CRABP2: variants seen among roughly 807,000 people sequenced by gnomAD.
CRABP2 encodes the protein cellular retinoic acid binding protein 2.
CRABP2 carries 20 observed loss-of-function variants against 17.9 expected under a neutral mutation model. The observed-to-expected ratio is 1.12, with a 90% CI of 0.79 to 1.63. CRABP2 has a LOEUF of 1.63. Among genes scored for constraint, CRABP2 ranks in the 40% most tolerant of loss-of-function variants. CRABP2 has a pLI of 0.00. For missense variants in CRABP2, 151 were observed against 168.6 expected (o/e 0.90, Z 0.58); for synonymous variants, 76 against 66.4 (o/e 1.14, Z -0.70).
chr1:156,703,848 C>T (rs1413125928), intron 1 of CRABP2, among the ~76,000 whole-genome samples: 1 of 152,210 alleles, frequency 6.6e-6, no homozygotes, highest in Non-Finnish European at 1.5e-5. Flanking sequence ...ATCCTTTCAG[C>T]GAGCCCCTGG....
At chr1:156,700,173 G>T in intron 3 of CRABP2, 97 bp from the exon 4 acceptor site, 1 of 1,242,922 alleles carries the variant, frequency 8.0e-7, no homozygotes. Context: ...TGGCCTCCAG[G>T]TCCAAACCTG....
At position 156,704,889 on chromosome 1, in the gene CRABP2, T is replaced by A. The variant is rs539160539; in HGVS notation, c.70+488A>T. 1.1e-3 allele frequency among the ~76,000 whole-genome samples: 148 copies of A among 139,542 alleles called. 2 individuals carry two copies. Among genetic ancestry groups the A allele is most frequent in the African/African-American group, 3.9e-3 (144 of 36,564 alleles). The allele number at this position is 139,542 out of a possible 152,430, so 91.5% of individuals were successfully genotyped here. A position where few individuals can be genotyped will look rare whatever the true frequency, so the allele number is the denominator to read the frequency against. On this transcript the variant is annotated intron_variant, in intron 1 of 3. Coordinates refer to ENST00000368222, the MANE Select transcript of CRABP2 (RefSeq NM_001878.4). ...CAGCAGATCACCTCGCAGGCAGAGC[T>A]GGGCGCCGAGGGGTAATGAGCCTGC...
chr1:156,705,290 T>G lies in CRABP2; in HGVS notation c.70+87A>C. ...AGGCACCCAGTGTCTCACGCCCTGA[T>G]TGTGGTCCCGCTGTCTTTCTCATCC... On this transcript the variant is annotated intron_variant, in intron 1 of 3. Transcript: ENST00000368222. This position sits in a 1 kb window ranked among gnomAD's most constrained non-coding sequence, Gnocchi z 5.2. The G allele has an allele frequency of 1.4e-6, 2 of 1,424,250 alleles. No homozygotes were observed. Among genetic ancestry groups the G allele is most frequent in the Non-Finnish European group, 9.9e-7 (1 of 1,008,830 alleles). 88.2% of individuals were successfully genotyped at this position (1,424,250 alleles called of 1,614,324 possible). A position where few individuals can be genotyped will look rare whatever the true frequency, so the allele number is the denominator to read the frequency against.
upstream of CRABP2, chr1:156,705,615 C>A (rs1416304416): frequency 1.6e-5 from 11 of 668,628 alleles, no homozygotes; most frequent in Non-Finnish European, 2.8e-5. This position sits in a 1 kb window ranked among gnomAD's most constrained non-coding sequence, Gnocchi z 5.2. Flanking sequence ...AGCTTTTATA[C>A]CCTGTACGGA....
In CRABP2 at chr1:156,705,316, C is replaced by T. The variant is rs1648161508; in HGVS notation, c.70+61G>A. The T allele has an allele frequency of 2.5e-6, 4 of 1,570,048 alleles. No individual in the cohort carries two copies. The South Asian group carries it at 4.4e-5, about 17-fold the overall frequency. The stretch of plus-strand genomic sequence containing the variant: ...TGTGGTCCCGCTGTCTTTCTCATCC[C>T]CAACTTCGAGGACTCCAGAGCCCCC... On this transcript the variant is annotated intron_variant, in intron 1 of 3. Coordinates refer to ENST00000368222, the MANE Select transcript of CRABP2 (RefSeq NM_001878.4). The surrounding 1 kb of genome is among the most constrained non-coding windows in gnomAD (Gnocchi z 5.2).
chr1:156,705,628 C>G (rs929265087), upstream of CRABP2: 5 of 586,902 alleles, frequency 8.5e-6, no homozygotes, highest in Non-Finnish European at 1.5e-5. This position sits in a 1 kb window ranked among gnomAD's most constrained non-coding sequence, Gnocchi z 5.2. Context: ...TGTACGGAAC[C>G]GCCCCTGCCC....
In CRABP2 at chr1:156,705,285, C is replaced by T. The variant is rs879260202; in HGVS notation, c.70+92G>A. ...GATGCAGGCACCCAGTGTCTCACGCCCTGATTGTGGTCCCGCTGTCTTTCT... is the reference window on the plus strand; with the variant it reads ...GATGCAGGCACCCAGTGTCTCACGCTCTGATTGTGGTCCCGCTGTCTTTCT... On this transcript the variant is annotated intron_variant, in intron 1 of 3. Coordinates refer to ENST00000368222, the MANE Select transcript of CRABP2 (RefSeq NM_001878.4). The surrounding 1 kb of genome is among the most constrained non-coding windows in gnomAD (Gnocchi z 5.2). 4.8e-5 allele frequency: 68 copies of T among 1,408,054 alleles called. No homozygotes were observed. Among genetic ancestry groups the T allele is most frequent in the Non-Finnish European group, 6.7e-5 (67 of 993,962 alleles). The allele number at this position is 1,408,054 out of a possible 1,614,324, so 87.2% of individuals were successfully genotyped here. A position where few individuals can be genotyped will look rare whatever the true frequency, so the allele number is the denominator to read the frequency against.
At chr1:156,701,087 G>C (rs1381383282) in intron 1 of CRABP2, 35 bp from the exon 2 acceptor site, 1 of 1,604,698 alleles carries the variant, frequency 6.2e-7, no homozygotes, top group Non-Finnish European at 8.5e-7. Context: ...CCTTTTAGGG[G>C]CCTTTGGGCA....
intron 2 of CRABP2, 98 bp downstream of exon 2, chr1:156,700,776 G>T: frequency 6.5e-7 from 1 of 1,530,316 alleles, no homozygotes; most frequent in Non-Finnish European, 9.0e-7. Context: ...TCCCTACTGG[G>T]ACAGAGAGAA....
In CRABP2 at chr1:156,699,726, C is replaced by G; in HGVS notation, c.*300G>C. The G allele has an allele frequency of 2.4e-6, 1 of 423,102 alleles. No homozygotes were observed. Among genetic ancestry groups the G allele is most frequent in the South Asian group, 3.7e-5 (1 of 26,702 alleles). 26.2% of individuals were successfully genotyped at this position (423,102 alleles called of 1,614,324 possible). A position where few individuals can be genotyped will look rare whatever the true frequency, so the allele number is the denominator to read the frequency against. ...TTTCCTGCTCAGGCCCTCAAGTCCCCTTTAGAGAGACCCTGCTCTGGGCTG... is the reference window on the plus strand; with the variant it reads ...TTTCCTGCTCAGGCCCTCAAGTCCCGTTTAGAGAGACCCTGCTCTGGGCTG... On this transcript the variant is annotated 3_prime_UTR_variant, in exon 4 of 4. Coordinates refer to ENST00000368222, the MANE Select transcript of CRABP2 (RefSeq NM_001878.4).
In CRABP2 at chr1:156,705,211, G is replaced by T. The variant is rs1192218615; in HGVS notation, c.70+166C>A. Among the ~76,000 whole-genome samples, 1 of 152,236 alleles carries T rather than the reference G, an allele frequency of 6.6e-6. No homozygotes were observed. The highest frequency in any genetic ancestry group is 1.5e-5 in the Non-Finnish European group (1 of 68,044). Reference sequence around the variant, plus strand: ...CCCCGCAGGAGAAAGCGGGATTTAGGCGTCGTGCCCAGAGCCCCGGGACCC... The same window carrying T: ...CCCCGCAGGAGAAAGCGGGATTTAGTCGTCGTGCCCAGAGCCCCGGGACCC... On this transcript the variant is annotated intron_variant, in intron 1 of 3. Coordinates refer to ENST00000368222, the MANE Select transcript of CRABP2 (RefSeq NM_001878.4). The surrounding 1 kb of genome is among the most constrained non-coding windows in gnomAD (Gnocchi z 5.2).
At position 156,700,609 on chromosome 1, in the gene CRABP2, A is replaced by G. The variant is rs1648003138; in HGVS notation, c.299T>C (p.Leu100Pro). The G allele has an allele frequency of 6.2e-6, 10 of 1,613,990 alleles. No homozygotes were observed. Among genetic ancestry groups the G allele is most frequent in the South Asian group, 1.1e-5 (1 of 91,088 alleles). The change falls in exon 3 of 4, where the codon CTC becomes CCC. Residue 100 changes from leucine (L) to proline (P), a missense_variant. Coordinates refer to ENST00000368222, the MANE Select transcript of CRABP2 (RefSeq NM_001878.4). ...GGTCTTGGGGCCCTCTCCCTTCAGGAGCTTCTGCTCACAGACCATTTTATT... is the reference window on the plus strand; with the variant it reads ...GGTCTTGGGGCCCTCTCCCTTCAGGGGCTTCTGCTCACAGACCATTTTATT... ...SENKMVCEQK[L>P]LKGEGPKTSW... is the part of the protein sequence containing the mutation.
intron 3 of CRABP2, 131 bp from the exon 4 acceptor site, chr1:156,700,207 C>CTTGTCTTGA: frequency 1.1e-6 from 1 of 895,856 alleles, no homozygotes. Context: ...GACCAACAGG[C>CTTGTCTTGA]AGGAGCTGGT....
rs748026278 is a variant in CRABP2 at position 156,700,037 on chromosome 1, C to A, written c.406G>T (p.Val136Phe). Residue 136 changes from valine to phenylalanine, a missense_variant, in exon 4 of 4, where the codon GTC (valine) becomes TTC (phenylalanine). Transcript: ENST00000368222. Reference sequence around the variant, plus strand: ...CTACCTGTGGCCACTCACTCTCGGACGTAGACCCTGGTGCACACAACGTCA... The same window carrying A: ...CTACCTGTGGCCACTCACTCTCGGAAGTAGACCCTGGTGCACACAACGTCA... Reference protein sequence around the residue: ...ADDVVCTRVYVRE With the variant: ...ADDVVCTRVYFRE 9 of 1,613,428 alleles carry A rather than the reference C, an allele frequency of 5.6e-6. No individual in the cohort carries two copies. The South Asian group carries it at 7.7e-5, about 14-fold the overall frequency.
intron 1 of CRABP2, among the ~76,000 whole-genome samples, chr1:156,703,686 G>T (rs1648106240): frequency 1.3e-5 from 2 of 152,168 alleles, no homozygotes; most frequent in African/African-American, 4.8e-5. Context: ...CCCCTGGGGA[G>T]CCCAGGACCC....
At chr1:156,701,523 G>A (rs980461530) in intron 1 of CRABP2, among the ~76,000 whole-genome samples, 3 of 152,176 alleles carry the variant, frequency 2.0e-5, no homozygotes, top group Non-Finnish European at 4.4e-5. Context: ...CCCTGGCCAA[G>A]CACAGGCCAG....
chr1:156,703,669 A>C (rs1648105846), intron 1 of CRABP2, among the ~76,000 whole-genome samples: 1 of 152,146 alleles, frequency 6.6e-6, no homozygotes, highest in Non-Finnish European at 1.5e-5. Flanking sequence ...GGAGAGAGGA[A>C]GCCTTGCCCC....
At chr1:156,700,736 T>C in intron 2 of CRABP2, 78 bp from the exon 3 acceptor site, 2 of 1,518,070 alleles carry the variant, frequency 1.3e-6, no homozygotes, top group Non-Finnish European at 1.8e-6. Flanking sequence ...AGAGAGCCCC[T>C]TTCTAGCCCC....
At chr1:156,703,199 G>A (rs902150974) in intron 1 of CRABP2, among the ~76,000 whole-genome samples, 8 of 152,050 alleles carry the variant, frequency 5.3e-5, no homozygotes, top group African/African-American at 1.7e-4. Context: ...TGCCCTCCCC[G>A]CTCTGTGTGA....
Sources: gnomAD v4.1 joint callset for allele counts (sites outside exome capture counted in the v4.1 genomes callset) on GRCh38, gnomAD v4.1.1 for gene constraint, Gnocchi (gnomAD v3.1) non-coding constraint, MANE v1.5 for transcripts, NCBI Gene and HGNC (gene_info 2026-07-23, HGNC 2026-07-21) for gene names.